Variants in AHI1 observed in about 807,000 individuals in gnomAD.
AHI1 encodes the protein jouberin.
A neutral mutation model predicts 149.3 loss-of-function variants in AHI1; 123 were observed. That is an observed-to-expected ratio of 0.82 (90% CI 0.71 to 0.96). The LOEUF (loss-of-function observed/expected upper bound fraction) is 0.96, where lower values mean the gene tolerates loss of function less well. Among genes scored for constraint, AHI1 ranks in the 40% least tolerant of loss-of-function variants. AHI1 has a pLI of 0.00. For missense variants in AHI1, 1,439 were observed against 1,422.7 expected (o/e 1.01, Z -0.18); for synonymous variants, 475 against 459.8 (o/e 1.03, Z -0.42).
chr6:135,433,354 G>GC (rs747828237), intron 15 of AHI1, 98 bp from the exon 16 acceptor site: 24 of 782,648 alleles, frequency 3.1e-5, no homozygotes, highest in Non-Finnish European at 4.4e-5. Flanking sequence ...CCTTAAGCAA[G>GC]CAAGTGACAA....
At chr6:135,387,696 G>A (rs1021413697) in intron 23 of AHI1, 150 of 874,740 alleles carry the variant, frequency 1.7e-4, no homozygotes, top group Non-Finnish European at 2.1e-4. Context: ...ATTTTATTAA[G>A]TTGTATCTTA....
intron 23 of AHI1, among the ~76,000 whole-genome samples, chr6:135,385,075 C>T (rs1050158655): frequency 1.3e-5 from 2 of 152,044 alleles, no homozygotes; most frequent in African/African-American, 2.4e-5. Flanking sequence ...GGCGACAGAG[C>T]AAGACACCAT....
At chr6:135,433,704 T>C (rs1408156327) in intron 15 of AHI1, among the ~76,000 whole-genome samples, 1 of 152,028 alleles carries the variant, frequency 6.6e-6, no homozygotes, top group Non-Finnish European at 1.5e-5. Flanking sequence ...GAATAGTCTA[T>C]TAACTTTTAT....
chr6:135,405,579 G>A (rs1470982779), intron 21 of AHI1, among the ~76,000 whole-genome samples: 2 of 152,120 alleles, frequency 1.3e-5, no homozygotes, highest in Non-Finnish European at 1.5e-5. Context: ...CTCAAGTCTG[G>A]CCGGGTACGG....
At chr6:135,445,663 C>A (rs972445148) in intron 13 of AHI1, among the ~76,000 whole-genome samples, 19 of 152,114 alleles carry the variant, frequency 1.2e-4, no homozygotes, top group African/African-American at 4.1e-4. Flanking sequence ...GCCTTGAATT[C>A]CTGGGTTCAA....
chr6:135,373,270 CA>C (rs1457910998), intron 23 of AHI1, among the ~76,000 whole-genome samples: 1 of 152,076 alleles, frequency 6.6e-6, no homozygotes. Flanking sequence ...CAATTTTTAC[CA>C]TTGTATTACA....
At chr6:135,453,862 G>A (rs1323384765) in intron 10 of AHI1, among the ~76,000 whole-genome samples, 2 of 152,062 alleles carry the variant, frequency 1.3e-5, no homozygotes, top group African/African-American at 4.8e-5. Context: ...CTCTTTGGAT[G>A]TATGTTATAA....
intron 14 of AHI1, 91 bp downstream of exon 14, chr6:135,442,491 C>T: frequency 7.3e-7 from 1 of 1,369,786 alleles, no homozygotes; most frequent in Non-Finnish European, 9.7e-7. Context: ...CAGGGGATTA[C>T]TCAAGTTAAG....
In AHI1 at chr6:135,394,801, T is replaced by A. The variant is rs1373010213; in HGVS notation, c.3084A>T (p.Leu1028=). ...QSNMLTAQEI[L]HQFGFTQTGI... ...CGGTCTGAGTGAAACCAAACTGATGTAGAATCTCTTGAGCGGTCAGCATGT... is the reference window on the plus strand; with the variant it reads ...CGGTCTGAGTGAAACCAAACTGATGAAGAATCTCTTGAGCGGTCAGCATGT... The change falls in exon 23 of 29, where the codon CTA becomes CTT. Residue 1028 remains leucine (L), a synonymous_variant. Transcript: ENST00000265602. 3 of 1,610,006 alleles carry A rather than the reference T, an allele frequency of 1.9e-6. No individual in the cohort carries two copies. Among genetic ancestry groups the A allele is most frequent in the Non-Finnish European group, 2.5e-6 (3 of 1,177,882 alleles).
At chr6:135,448,853 T>C (rs1024668464) in intron 11 of AHI1, among the ~76,000 whole-genome samples, 10 of 152,246 alleles carry the variant, frequency 6.6e-5, no homozygotes, top group African/African-American at 2.4e-4. Context: ...AAATCTTCCA[T>C]TTGTTTAATA....
At chr6:135,465,037 A>G (rs1484093929) in intron 7 of AHI1, among the ~76,000 whole-genome samples, 2 of 152,164 alleles carry the variant, frequency 1.3e-5, no homozygotes, top group African/African-American at 2.4e-5. Flanking sequence ...GGTTTGCCGT[A>G]TCTTTATTAC....
chr6:135,462,763 T>C (rs13205704), intron 8 of AHI1, among the ~76,000 whole-genome samples: 3,999 of 152,122 alleles, frequency 0.026, 72 homozygotes, highest in Non-Finnish European at 0.04. Flanking sequence ...TAGCCGGGTA[T>C]GGTGGCATGC....
chr6:135,463,896 C>A (rs1244353364), intron 7 of AHI1, among the ~76,000 whole-genome samples: 1 of 152,080 alleles, frequency 6.6e-6, no homozygotes, highest in Admixed American at 6.6e-5. Context: ...AGACTACAGG[C>A]ACCATACCTG....
chr6:135,434,628 C>A (rs1785132147), intron 15 of AHI1, among the ~76,000 whole-genome samples: 1 of 151,530 alleles, frequency 6.6e-6, no homozygotes, highest in Non-Finnish European at 1.5e-5. Context: ...AAAAACTGAA[C>A]TGGAATCAAT....
chr6:135,466,989 G>C (rs1285443662), intron 6 of AHI1, among the ~76,000 whole-genome samples: 1 of 152,034 alleles, frequency 6.6e-6, no homozygotes, highest in East Asian at 1.9e-4. Flanking sequence ...AATAAATAAG[G>C]ATAAGAGTCA....
chr6:135,447,244 C>T (rs1046976490), intron 12 of AHI1, 84 bp from the exon 13 acceptor site: 11 of 880,040 alleles, frequency 1.2e-5, no homozygotes, highest in East Asian at 3.1e-5. Context: ...AATACTGAAA[C>T]AAATAATATG....
chr6:135,322,894 T>C (rs752701813), intron 25 of AHI1, among the ~76,000 whole-genome samples: 19 of 151,938 alleles, frequency 1.3e-4, no homozygotes, highest in Non-Finnish European at 1.8e-4. Context: ...GTCAAATGAG[T>C]TGAATAAGAA....
At chr6:135,290,022 C>T (rs760508953) in intron 28 of AHI1, among the ~76,000 whole-genome samples, 4 of 152,020 alleles carry the variant, frequency 2.6e-5, no homozygotes, top group African/African-American at 7.2e-5. Flanking sequence ...CACTCTGCTC[C>T]GACACCGCAG....
chr6:135,481,405 CATT>C (rs931877831), intron 5 of AHI1, among the ~76,000 whole-genome samples: 6 of 152,090 alleles, frequency 3.9e-5, no homozygotes, highest in African/African-American at 1.4e-4. Flanking sequence ...TGTATATCTG[CATT>C]ATATTTACTG....
Sources: allele counts gnomAD v4.1 joint callset (sites outside exome capture counted in the v4.1 genomes callset), GRCh38; gene constraint gnomAD v4.1.1; transcripts MANE v1.5; gene names NCBI Gene and HGNC (gene_info 2026-07-23, HGNC 2026-07-21).